SPDYE18: variants seen among roughly 807,000 people sequenced by gnomAD.
SPDYE18 encodes the protein speedy/RINGO cell cycle regulator family member E18, also known as speedy protein E18.
A neutral mutation model predicts 44.9 loss-of-function variants in SPDYE18; 6 were observed. The ratio of observed to expected loss-of-function variants is 0.13; its 90% CI spans 0.07 to 0.26. The LOEUF (loss-of-function observed/expected upper bound fraction) is 0.26, where lower values mean the gene tolerates loss of function less well. Ranked by LOEUF, SPDYE18 falls within the 10% of genes least tolerant of loss-of-function variation. The pLI, the probability that SPDYE18 is intolerant of heterozygous loss-of-function variation, is 1.00. For missense variants in SPDYE18, 121 were observed against 463.2 expected, an observed-to-expected ratio of 0.26 and a Z score of 6.78; for synonymous variants, 35 against 177.1, an observed-to-expected ratio of 0.20 and a Z score of 6.37.
intron 4 of SPDYE18, among the ~76,000 whole-genome samples, chr7:77,056,969 C>T (rs1368578895): frequency 1.3e-5 from 2 of 151,962 alleles, no homozygotes; most frequent in African/African-American, 2.4e-5. Context: ...TTGGGATCCC[C>T]CACTATGGAT....
At chr7:77,056,730 T>G (rs1383958742) in intron 4 of SPDYE18, 122 bp from the exon 5 acceptor site, 1 of 1,257,418 alleles carries the variant, frequency 8.0e-7, no homozygotes, top group East Asian at 3.2e-5. Flanking sequence ...GCGGGTGAGG[T>G]GGATGGGAGA....
intron 3 of SPDYE18, 104 bp from the exon 4 acceptor site, chr7:77,057,971 C>G (rs1789953990): frequency 7.0e-7 from 1 of 1,420,210 alleles, no homozygotes; most frequent in East Asian, 3.3e-5. Flanking sequence ...GCCTCGCAGA[C>G]TGCTGGCTTC....
intron 2 of SPDYE18, among the ~76,000 whole-genome samples, chr7:77,059,992 T>C (rs1050028344): frequency 6.7e-6 from 1 of 148,910 alleles, no homozygotes; most frequent in African/African-American, 2.5e-5. Context: ...CAGGTTCTCC[T>C]TCCTGACCGC....
chr7:77,052,609 A>G (rs1208907098), intron 8 of SPDYE18, among the ~76,000 whole-genome samples, 124 bp downstream of exon 8: 2 of 152,280 alleles, frequency 1.3e-5, no homozygotes, highest in Non-Finnish European at 2.9e-5. Context: ...TAATTTTTGT[A>G]TTTTTGTGGA....
At position 77,050,807 on chromosome 7, in the gene SPDYE18, C is replaced by T. The variant is rs1789774758; in HGVS notation, c.*1118G>A. Among the ~76,000 whole-genome samples the T allele has an allele frequency of 6.6e-6, 1 of 151,404 alleles. No homozygotes were observed. The highest frequency in any genetic ancestry group is 2.4e-5 in the African/African-American group (1 of 41,406). ...GTATGTGTATATAATAGTTATAACA[C>T]CCATCACACAGCTTTATAGAAACAG... On this transcript the variant is annotated 3_prime_UTR_variant, in exon 9 of 9. Coordinates refer to ENST00000510091, the MANE Select transcript of SPDYE18 (RefSeq NM_001394953.1).
chr7:77,061,059 C>G (rs1562795182), intron 1 of SPDYE18, among the ~76,000 whole-genome samples, 126 bp from the exon 2 acceptor site: 1 of 100,816 alleles, frequency 9.9e-6, no homozygotes, highest in African/African-American at 4.5e-5. Flanking sequence ...TTATCACGTA[C>G]AAGAGTGAGA....
intron 2 of SPDYE18, among the ~76,000 whole-genome samples, chr7:77,060,028 CT>C (rs71251020): frequency 4.0e-4 from 47 of 117,082 alleles, no homozygotes; most frequent in Admixed American, 5.0e-4. Context: ...TTTTTCTTTT[CT>C]TTTTTTTTTT....
At chr7:77,060,268 G>T (rs1488052076) in intron 2 of SPDYE18, 85 bp downstream of exon 2, 4 of 1,522,330 alleles carry the variant, frequency 2.6e-6, no homozygotes, top group Non-Finnish European at 3.5e-6. Context: ...AAGTGCTGGG[G>T]TTACAGGCGT....
intron 8 of SPDYE18, among the ~76,000 whole-genome samples, chr7:77,052,242 G>C (rs1308483992): frequency 1.3e-5 from 2 of 151,346 alleles, no homozygotes; most frequent in Admixed American, 6.7e-5. Flanking sequence ...CATGCTAGAT[G>C]TGTTTCTAAT....
rs1382348995 is a variant in SPDYE18, at chr7:77,050,967, T to C, written c.*958A>G. 1.3e-5 allele frequency among the ~76,000 whole-genome samples: 2 copies of C among 151,116 alleles called. No homozygotes were observed. Among genetic ancestry groups the C allele is most frequent in the African/African-American group, 2.4e-5 (1 of 41,384 alleles). ...ATACTTAAATAATTCTATACCCATG[T>C]TTTTCAAAATAAACCAATAAATTAG... is the stretch of plus-strand genomic sequence containing the variant. On this transcript the variant is annotated 3_prime_UTR_variant, in exon 9 of 9. Transcript: ENST00000510091.
At chr7:77,052,581 C>G (rs551281872) in intron 8 of SPDYE18, among the ~76,000 whole-genome samples, 152 bp downstream of exon 8, 5 of 152,278 alleles carry the variant, frequency 3.3e-5, no homozygotes, top group African/African-American at 1.2e-4. Flanking sequence ...AGTAGAGATG[C>G]GTCCCACATC....
In SPDYE18 at chr7:77,051,274, TGAAAA is replaced by T; in HGVS notation, c.*646_*650del. Among the ~76,000 whole-genome samples, 1 of 152,340 alleles carries T rather than the reference TGAAAA, an allele frequency of 6.6e-6. No individual in the cohort carries two copies. On this transcript the variant is annotated 3_prime_UTR_variant, in exon 9 of 9. Coordinates refer to ENST00000510091, the MANE Select transcript of SPDYE18 (RefSeq NM_001394953.1). ...GATAAAAAGAATTGTCTCTTAAAAA[TGAAAA>T]GAAAATTATCTTTATGTATATATAA... is the stretch of plus-strand genomic sequence containing the variant.
chr7:77,060,347 C>T lies in SPDYE18; in HGVS notation c.160+6G>A, dbSNP rs888297168. The T allele has an allele frequency of 3.5e-5, 54 of 1,535,212 alleles. No individual in the cohort carries two copies. Among genetic ancestry groups the T allele is most frequent in the Non-Finnish European group, 4.4e-5 (51 of 1,146,818 alleles). On this transcript the variant is annotated splice_donor_region_variant and intron_variant, in intron 2 of 8. Transcript: ENST00000510091. ...ATCCCACCTCTTCTTCCACCAGTCC[C>T]CTCACCTGATGGTCCCAACACTTCA...
Position 77,050,391 on chromosome 7 carries a change from T to C in SPDYE18, c.*1534A>G, listed in dbSNP as rs1789765983. Among the ~76,000 whole-genome samples the C allele has an allele frequency of 1.3e-5, 2 of 152,308 alleles. No individual in the cohort carries two copies. The highest frequency in any genetic ancestry group is 4.1e-4 in the South Asian group (2 of 4,828). ...AAATAATCAATCCAGACCAATATGA[T>C]CACAGTTGCTGTGAAGGTGAGAAAA... On this transcript the variant is annotated 3_prime_UTR_variant, in exon 9 of 9. Transcript: ENST00000510091.
Position 77,060,337 on chromosome 7 carries a change from C to T in SPDYE18, c.160+16G>A. ...AGTCAACCCTATCCCACCTCTTCTT[C>T]CACCAGTCCCCTCACCTGATGGTCC... On this transcript the variant is annotated intron_variant, in intron 2 of 8. Coordinates refer to ENST00000510091, the MANE Select transcript of SPDYE18 (RefSeq NM_001394953.1). 1.3e-6 allele frequency: 2 copies of T among 1,535,250 alleles called. No homozygotes were observed. The highest frequency in any genetic ancestry group is 1.7e-6 in the Non-Finnish European group (2 of 1,146,784).
chr7:77,058,497 CCTT>C (rs1265857612), intron 3 of SPDYE18, among the ~76,000 whole-genome samples: 1 of 115,080 alleles, frequency 8.7e-6, no homozygotes, highest in African/African-American at 3.2e-5. Context: ...GCCCTTCCTT[CCTT>C]CTTTTTTTTT....
rs1397952542 is a variant in SPDYE18 at position 77,050,760 on chromosome 7, A to C, written c.*1165T>G. Among the ~76,000 whole-genome samples the C allele has an allele frequency of 6.6e-6, 1 of 152,072 alleles. No individual in the cohort carries two copies. Among genetic ancestry groups the C allele is most frequent in the Non-Finnish European group, 1.5e-5 (1 of 68,006 alleles). On this transcript the variant is annotated 3_prime_UTR_variant, in exon 9 of 9. Transcript: ENST00000510091. The stretch of plus-strand genomic sequence containing the variant: ...TTTAGGATGAAAAGAATCCTCTCTT[A>C]AAAAGGAAAACAAAATTATATGTAT...
Position 77,060,545 on chromosome 7 carries a change from G to A in SPDYE18, c.-33C>T. 10 of 1,534,906 alleles carry A rather than the reference G, an allele frequency of 6.5e-6. No homozygotes were observed. Among genetic ancestry groups the A allele is most frequent in the South Asian group, 1.2e-5 (1 of 83,958 alleles). ...TTCTGGACACTGCTAGGATCCAGAA[G>A]AGTATGTTATCAATTCTCAAGCCTA... On this transcript the variant is annotated 5_prime_UTR_variant, in exon 2 of 9. Transcript: ENST00000510091.
intron 3 of SPDYE18, among the ~76,000 whole-genome samples, chr7:77,058,088 C>T (rs1315014980): frequency 4.0e-5 from 5 of 125,506 alleles, no homozygotes; most frequent in African/African-American, 1.6e-4. Flanking sequence ...TCCTCATATC[C>T]TTCCCTGGTC....
Sources: gnomAD v4.1 joint callset for allele counts (sites outside exome capture counted in the v4.1 genomes callset) on GRCh38, gnomAD v4.1.1 for gene constraint, MANE v1.5 for transcripts, NCBI Gene and HGNC (gene_info 2026-07-23, HGNC 2026-07-21) for gene names.